EGLN1: variants seen among roughly 807,000 people sequenced by gnomAD.
The protein encoded by EGLN1 is egl nine homolog 1.
EGLN1 carries 17 observed loss-of-function variants against 38.3 expected under a neutral mutation model. That is an observed-to-expected ratio of 0.44 (90% CI 0.30 to 0.67). The LOEUF is 0.67. Among genes scored for constraint, EGLN1 ranks in the 30% least tolerant of loss-of-function variants. EGLN1 has a pLI of 0.08. For synonymous variants in EGLN1, 283 were observed against 257.5 expected, an observed-to-expected ratio of 1.10 and a Z score of -0.95; for missense variants, 477 against 603.3, an observed-to-expected ratio of 0.79 and a Z score of 2.19.
intron 1 of EGLN1, among the ~76,000 whole-genome samples, chr1:231,394,472 A>G (rs1386307189): frequency 1.4e-5 from 2 of 146,766 alleles, no homozygotes; most frequent in Admixed American, 6.9e-5. Flanking sequence ...TCCACCTCCC[A>G]GGTTCACGCC....
Position 231,370,688 on chromosome 1 carries a change from C to A in EGLN1, c.1022G>T (p.Gly341Val). 6.2e-7 allele frequency: 1 copy of A among 1,614,044 alleles called. No individual in the cohort carries two copies. The highest frequency in any genetic ancestry group is 8.5e-7 in the Non-Finnish European group (1 of 1,180,002). Residue 341 changes from glycine (G) to valine (V), a missense_variant, in exon 3 of 5, where the codon GGT becomes GTT. Physicochemically the swap from Gly to Val is moderately radical, Grantham distance 109 (BLOSUM62 -3). Coordinates refer to ENST00000366641, the MANE Select transcript of EGLN1 (RefSeq NM_022051.3). ...GCCTTCTGGAAAAATTCGAAGTATA[C>A]CTCCACTTACCTAGGAAAAGAGCCA... ...NKDWDAKVSG[G>V]ILRIFPEGKA... is the part of the protein sequence containing the mutation.
chr1:231,367,410 T>C (rs918828664), intron 4 of EGLN1, among the ~76,000 whole-genome samples, 159 bp downstream of exon 4: 3 of 152,206 alleles, frequency 2.0e-5, no homozygotes, highest in African/African-American at 7.2e-5. Flanking sequence ...TGAAGATGAC[T>C]TATGTCTTCT....
chr1:231,386,117 G>GTT (rs35724479), intron 1 of EGLN1, among the ~76,000 whole-genome samples: 77 of 149,546 alleles, frequency 5.1e-4, no homozygotes, highest in East Asian at 2.9e-3. Flanking sequence ...TGCCCGGCTG[G>GTT]TTTTTTTTTT....
chr1:231,386,042 C>T (rs888939851), intron 1 of EGLN1, among the ~76,000 whole-genome samples: 1 of 151,808 alleles, frequency 6.6e-6, no homozygotes, highest in Admixed American at 6.6e-5. Context: ...CCTCGGACTT[C>T]TGGACTCAAG....
At chr1:231,398,719 G>A (rs1427963838) in intron 1 of EGLN1, among the ~76,000 whole-genome samples, 5 of 150,212 alleles carry the variant, frequency 3.3e-5, no homozygotes, top group African/African-American at 1.2e-4. Flanking sequence ...AAAGAATAAT[G>A]GAGGTAGGGA....
rs186972462 is a variant in EGLN1, at chr1:231,365,959, T to C, written c.*452A>G. 504 of 166,522 alleles carry C rather than the reference T, an allele frequency of 3.0e-3. 4 individuals carry two copies. Among genetic ancestry groups the C allele is most frequent in the South Asian group, 8.9e-3 (58 of 6,548 alleles). The allele number at this position is 166,522 out of a possible 1,614,324, so 10.3% of individuals were successfully genotyped here. A position where few individuals can be genotyped will look rare whatever the true frequency, so the allele number is the denominator to read the frequency against. ...AATAGTATGAACAGGTTTACAAAAA[T>C]AGATTGATGTTATTTTGAGGAATAA... is the stretch of plus-strand genomic sequence containing the variant. On this transcript the variant is annotated 3_prime_UTR_variant, in exon 5 of 5. Coordinates refer to ENST00000366641, the MANE Select transcript of EGLN1 (RefSeq NM_022051.3).
chr1:231,374,742 G>C (rs940695402), intron 1 of EGLN1, among the ~76,000 whole-genome samples: 9 of 151,664 alleles, frequency 5.9e-5, no homozygotes, highest in African/African-American at 2.2e-4. Flanking sequence ...TAATTTAGGA[G>C]GTCAACTAAA....
chr1:231,407,805 T>C (rs1450544354), intron 1 of EGLN1, among the ~76,000 whole-genome samples: 5 of 152,074 alleles, frequency 3.3e-5, no homozygotes, highest in Non-Finnish European at 7.4e-5. Context: ...GTGCAAGCCA[T>C]GCTGACCTGG....
In EGLN1 at chr1:231,366,452, G is replaced by A. The variant is rs768683806; in HGVS notation, c.1240C>T (p.Leu414Phe). Reference sequence around the variant, plus strand: ...CCGACCGAATCTGAAGGTTTATTGAGTTCAACCCTCACACCTTTTTCACCT... The same window carrying A: ...CCGACCGAATCTGAAGGTTTATTGAATTCAACCCTCACACCTTTTTCACCT... ...LTGEKGVRVE[L>F]NKPSDSVGKD... Residue 414 changes from leucine to phenylalanine, a missense_variant, in exon 5 of 5, where the codon CTC (leucine) becomes TTC (phenylalanine). Coordinates refer to ENST00000366641, the MANE Select transcript of EGLN1 (RefSeq NM_022051.3). The A allele has an allele frequency of 1.9e-6, 3 of 1,613,226 alleles. No individual in the cohort carries two copies.
intron 1 of EGLN1, among the ~76,000 whole-genome samples, chr1:231,408,104 C>G (rs1003938441): frequency 3.9e-5 from 6 of 152,128 alleles, no homozygotes; most frequent in Admixed American, 3.9e-4. Context: ...CCTGCCCTTA[C>G]AGATTTCTAG....
At chr1:231,404,028 A>C (rs981670174) in intron 1 of EGLN1, among the ~76,000 whole-genome samples, 1 of 152,114 alleles carries the variant, frequency 6.6e-6, no homozygotes, top group Non-Finnish European at 1.5e-5. Flanking sequence ...ATCTTTGTAA[A>C]TAACTAATTT....
intron 1 of EGLN1, among the ~76,000 whole-genome samples, chr1:231,399,761 T>G (rs1301274982): frequency 6.6e-6 from 1 of 152,154 alleles, no homozygotes; most frequent in East Asian, 1.9e-4. Context: ...ATGGCAGAGC[T>G]GGGTTTTAAA....
chr1:231,363,768 T>C lies in EGLN1; in HGVS notation c.*2643A>G, dbSNP rs920806636. The C allele has an allele frequency of 2.6e-5, 4 of 152,188 alleles. No homozygotes were observed. The highest frequency in any genetic ancestry group is 5.9e-5 in the Non-Finnish European group (4 of 68,038). The allele number at this position is 152,188 out of a possible 1,614,324, so 9.4% of individuals were successfully genotyped here. A position where few individuals can be genotyped will look rare whatever the true frequency, so the allele number is the denominator to read the frequency against. ...AACCACCATAATGTTTCAACAACAT[T>C]TATACATCTTTTTAATTAGATTAGC... On this transcript the variant is annotated 3_prime_UTR_variant, in exon 5 of 5. Coordinates refer to ENST00000366641, the MANE Select transcript of EGLN1 (RefSeq NM_022051.3).
intron 1 of EGLN1, among the ~76,000 whole-genome samples, chr1:231,415,624 C>G (rs912256036): frequency 6.6e-6 from 1 of 152,134 alleles, no homozygotes; most frequent in African/African-American, 2.4e-5. Context: ...TAGTTAAGAA[C>G]AGTTCTGCAT....
At chr1:231,400,116 A>G (rs528061021) in intron 1 of EGLN1, among the ~76,000 whole-genome samples, 13 of 152,254 alleles carry the variant, frequency 8.5e-5, no homozygotes, top group African/African-American at 3.1e-4. Context: ...TTGCAAGCTT[A>G]TAGGTTGTGA....
intron 1 of EGLN1, among the ~76,000 whole-genome samples, chr1:231,418,838 G>A (rs900748937): frequency 1.4e-4 from 21 of 149,820 alleles, no homozygotes; most frequent in African/African-American, 4.7e-4. Context: ...CTCCAGCCAG[G>A]GCAACAAAGC....
chr1:231,421,157 C>T lies in EGLN1; in HGVS notation c.732G>A (p.Lys244=). The change falls in exon 1 of 5, where the codon AAG becomes AAA. Residue 244 remains lysine, a synonymous_variant. Transcript: ENST00000366641. This position sits in a 1 kb window ranked among gnomAD's most constrained non-coding sequence, Gnocchi z 5.5. ...CTCGGATGTCCTTGGACGAGTCACT[C>T]TTCTGGCTGACCAGCTGCCCGTCCG... ...KFTDGQLVSQ[K]SDSSKDIRGD... 4 of 1,614,226 alleles carry T rather than the reference C, an allele frequency of 2.5e-6. No homozygotes were observed. The highest frequency in any genetic ancestry group is 1.7e-5 in the Admixed American group (1 of 60,028).
In EGLN1 at chr1:231,392,200, T is replaced by C. The variant is rs1046655944; in HGVS notation, c.892-18101A>G. ...TACTTGGGAGGCTGAGGCAGGAGAA[T>C]GGCGTGAACCTGGGAGGTGGAGCTT... On this transcript the variant is annotated intron_variant, in intron 1 of 4. Coordinates refer to ENST00000366641, the MANE Select transcript of EGLN1 (RefSeq NM_022051.3). Among the ~76,000 whole-genome samples the C allele has an allele frequency of 5.9e-5, 9 of 152,114 alleles. No homozygotes were observed. In the East Asian group the frequency reaches 1.5e-3, roughly 26 times the overall value.
At chr1:231,369,978 G>A (rs938775664) in intron 3 of EGLN1, among the ~76,000 whole-genome samples, 2 of 152,056 alleles carry the variant, frequency 1.3e-5, no homozygotes, top group African/African-American at 4.8e-5. Flanking sequence ...AAATATAATA[G>A]GTTGCAAATA....
Sources: gnomAD v4.1 joint callset for allele counts (sites outside exome capture counted in the v4.1 genomes callset) on GRCh38, gnomAD v4.1.1 for gene constraint, Gnocchi (gnomAD v3.1) non-coding constraint, MANE v1.5 for transcripts, NCBI Gene and HGNC (gene_info 2026-07-23, HGNC 2026-07-21) for gene names.